Variants in WDFY4 observed in about 807,000 individuals in gnomAD.
WDFY4 encodes the protein WDFY family member 4.
A neutral mutation model predicts 351.9 loss-of-function variants in WDFY4; 169 were observed. The observed-to-expected ratio is 0.48, with a 90% CI of 0.42 to 0.55. The LOEUF (loss-of-function observed/expected upper bound fraction) is 0.55. Ranked by LOEUF, WDFY4 falls within the 20% of genes least tolerant of loss-of-function variation. WDFY4 has a pLI of 0.00. For missense variants in WDFY4, 3,803 were observed against 3,935.6 expected, an observed-to-expected ratio of 0.97 and a Z score of 0.90; for synonymous variants, 1,622 against 1,574.6, an observed-to-expected ratio of 1.03 and a Z score of -0.71.
At chr10:48,851,048 G>A (rs1380050669) in intron 39 of WDFY4, among the ~76,000 whole-genome samples, 2 of 152,154 alleles carry the variant, frequency 1.3e-5, no homozygotes, top group Non-Finnish European at 2.9e-5. Context: ...AGAACCTGGT[G>A]CCCATCAATA....
intron 13 of WDFY4, among the ~76,000 whole-genome samples, chr10:48,769,476 C>T (rs2065789506): frequency 6.6e-6 from 1 of 152,204 alleles, no homozygotes; most frequent in Non-Finnish European, 1.5e-5. Flanking sequence ...TATCATCTCT[C>T]TTCAAAATCA....
At chr10:48,784,662 A>G (rs2066339997) in intron 19 of WDFY4, among the ~76,000 whole-genome samples, 1 of 143,100 alleles carries the variant, frequency 7.0e-6, no homozygotes, top group African/African-American at 2.6e-5. Context: ...CTGCTTCAGA[A>G]TCCAGAGTTG....
intron 1 of WDFY4, among the ~76,000 whole-genome samples, chr10:48,685,274 G>A (rs894798407): frequency 2.0e-5 from 3 of 152,176 alleles, no homozygotes; most frequent in Non-Finnish European, 2.9e-5. Flanking sequence ...GTCAGGCTGG[G>A]CTCCAGCAGC....
At chr10:48,965,118 TATA>T (rs1842020802) in intron 54 of WDFY4, among the ~76,000 whole-genome samples, 1 of 152,268 alleles carries the variant, frequency 6.6e-6, no homozygotes, top group Admixed American at 6.5e-5. Context: ...TTAAAAAATA[TATA>T]ATAATACAAA....
At chr10:48,870,468 T>C (rs2069723820) in intron 40 of WDFY4, among the ~76,000 whole-genome samples, 1 of 151,356 alleles carries the variant, frequency 6.6e-6, no homozygotes, top group Non-Finnish European at 1.5e-5. Flanking sequence ...ATCCCAGGAG[T>C]TGGAGGTTAC....
At chr10:48,921,470 G>A (rs1366478481) in intron 47 of WDFY4, among the ~76,000 whole-genome samples, 1 of 152,184 alleles carries the variant, frequency 6.6e-6, no homozygotes, top group African/African-American at 2.4e-5. Context: ...ATGGATCATA[G>A]ATTTGAATGT....
intron 47 of WDFY4, among the ~76,000 whole-genome samples, chr10:48,933,320 C>G (rs915024273): frequency 4.2e-4 from 64 of 152,342 alleles, no homozygotes; most frequent in African/African-American, 1.5e-3. Context: ...AATCTAGTCA[C>G]TCCACTTCAC....
chr10:48,872,900 G>A lies in WDFY4; in HGVS notation c.6742-591G>A, dbSNP rs556427440. ...GAACATTCTGGAATCTATGACATTA[G>A]GATTGAAAGGCCCTTAGACATCATT... On this transcript the variant is annotated intron_variant, in intron 40 of 61. Coordinates refer to ENST00000325239, the MANE Select transcript of WDFY4 (RefSeq NM_001394531.1). 2.0e-5 allele frequency among the ~76,000 whole-genome samples: 3 copies of A among 152,276 alleles called. No homozygotes were observed. In the East Asian group the frequency reaches 5.8e-4, roughly 29 times the overall value.
intron 2 of WDFY4, among the ~76,000 whole-genome samples, chr10:48,717,680 G>T (rs1470809584): frequency 6.6e-6 from 1 of 152,114 alleles, no homozygotes; most frequent in Non-Finnish European, 1.5e-5. Flanking sequence ...TTTACAACTT[G>T]CTTTTTCCAG....
intron 27 of WDFY4, among the ~76,000 whole-genome samples, chr10:48,807,028 A>C (rs1256044406): frequency 6.6e-6 from 1 of 152,228 alleles, no homozygotes; most frequent in Admixed American, 6.5e-5. Context: ...AGAAATTACT[A>C]TTCCCATTTT....
intron 2 of WDFY4, among the ~76,000 whole-genome samples, chr10:48,715,797 TC>T (rs1366721564): frequency 9.1e-6 from 1 of 110,364 alleles, no homozygotes; most frequent in Non-Finnish European, 1.9e-5. Flanking sequence ...GGCTAATTTT[TC>T]TTTTCTTTTC....
Position 48,778,624 on chromosome 10 carries a change from G to T in WDFY4, c.3189G>T (p.Pro1063=). 2 of 1,551,070 alleles carry T rather than the reference G, an allele frequency of 1.3e-6. No homozygotes were observed. Among genetic ancestry groups the T allele is most frequent in the Non-Finnish European group, 1.7e-6 (2 of 1,147,006 alleles). The change falls in exon 18 of 62, where the codon CCG becomes CCT. Residue 1063 remains proline, a synonymous_variant. Coordinates refer to ENST00000325239, the MANE Select transcript of WDFY4 (RefSeq NM_001394531.1). ...SGGIGTGATR[P]FPPPGGLTFS... is the part of the protein sequence containing the mutation. ...GTTCCCACCCAGGTGCCACCAGACC[G>T]TTCCCTCCTCCTGGAGGTCTGACCT...
intron 30 of WDFY4, among the ~76,000 whole-genome samples, chr10:48,813,317 GT>G (rs1374022332): frequency 6.6e-6 from 1 of 152,146 alleles, no homozygotes; most frequent in Admixed American, 6.5e-5. Flanking sequence ...TCAAAATAAA[GT>G]TTTTAATATG....
Position 48,936,860 on chromosome 10 carries a change from A to C in WDFY4, c.7587-4946A>C, listed in dbSNP as rs187266246. Among the ~76,000 whole-genome samples, 30 of 151,794 alleles carry C rather than the reference A, an allele frequency of 2.0e-4. No homozygotes were observed. The East Asian group carries it at 5.6e-3, about 28-fold the overall frequency. On this transcript the variant is annotated intron_variant, in intron 47 of 61. Coordinates refer to ENST00000325239, the MANE Select transcript of WDFY4 (RefSeq NM_001394531.1). ...CTCAAAAAAAAAAAAAAGAAAAAAA[A>C]AGAAAATTAAAAGTGCTCATAATTT...
At chr10:48,757,597 T>C (rs769887950) in intron 12 of WDFY4, among the ~76,000 whole-genome samples, 19 of 152,064 alleles carry the variant, frequency 1.2e-4, no homozygotes, top group Non-Finnish European at 1.6e-4. Context: ...GAATTATTGA[T>C]GTGTTTGAAT....
At chr10:48,763,956 G>A (rs1213436608) in intron 13 of WDFY4, among the ~76,000 whole-genome samples, 2 of 152,184 alleles carry the variant, frequency 1.3e-5, no homozygotes, top group Non-Finnish European at 2.9e-5. Context: ...GAAACAAAAC[G>A]GCAGGCCTCC....
At chr10:48,941,653 T>C (rs554256123) in intron 47 of WDFY4, among the ~76,000 whole-genome samples, 153 bp from the exon 48 acceptor site, 117 of 152,286 alleles carry the variant, frequency 7.7e-4, no homozygotes, top group African/African-American at 2.6e-3. Context: ...ACAGTCTCCC[T>C]GTGCTGTCCG....
chr10:48,939,103 C>A (rs1840596931), intron 47 of WDFY4, among the ~76,000 whole-genome samples: 2 of 152,216 alleles, frequency 1.3e-5, no homozygotes, highest in Admixed American at 6.5e-5. Flanking sequence ...ACTGGGCTGA[C>A]TGAGCAGGTG....
intron 2 of WDFY4, among the ~76,000 whole-genome samples, chr10:48,717,542 T>C (rs1215496068): frequency 6.6e-6 from 1 of 152,142 alleles, no homozygotes; most frequent in Non-Finnish European, 1.5e-5. Context: ...TCCAATGGGG[T>C]TCTCTCTCTT....
Sources: gnomAD v4.1 joint callset for allele counts (sites outside exome capture counted in the v4.1 genomes callset) on GRCh38, gnomAD v4.1.1 for gene constraint, MANE v1.5 for transcripts, NCBI Gene and HGNC (gene_info 2026-07-23, HGNC 2026-07-21) for gene names.